SHISAL1: variants seen among roughly 807,000 people sequenced by gnomAD.
The protein encoded by SHISAL1 is shisa like 1.
In SHISAL1, 9 loss-of-function variants were observed where a neutral mutation model predicts 22.6. The observed-to-expected ratio is 0.40, with a 90% confidence interval of 0.24 to 0.70. The LOEUF (loss-of-function observed/expected upper bound fraction) is 0.70. Among genes scored for constraint, SHISAL1 ranks in the 30% least tolerant of loss-of-function variants. The probability of loss-of-function intolerance (pLI) is 0.39; values close to 1 mark genes in which losing one functional copy is unlikely to be tolerated. For missense variants in SHISAL1, 246 were observed against 270.6 expected (o/e 0.91, Z 0.64); for synonymous variants, 119 against 115.4 (o/e 1.03, Z -0.20).
chr22:44,296,849 G>A lies in SHISAL1; in HGVS notation c.104C>T (p.Thr35Ile), dbSNP rs559549978. The A allele has an allele frequency of 3.7e-6, 6 of 1,613,062 alleles. No homozygotes were observed. The highest frequency in any genetic ancestry group is 1.1e-5 in the South Asian group (1 of 91,024). Reference protein sequence around the residue: ...SAHFRVCEPYTDHKGRYHFGF... With the variant: ...SAHFRVCEPYIDHKGRYHFGF... ...AAAGTGGTAGCGGCCTTTGTGGTCT[G>A]TGTATGGTTCACAGACCCGGAAATG... is the stretch of plus-strand genomic sequence containing the variant. Residue 35 changes from threonine to isoleucine, a missense_variant, in exon 3 of 5, where the codon ACA becomes ATA. Thr to Ile is a moderately conservative substitution (Grantham distance 89, BLOSUM62 -1). This residue lies in a region of SHISAL1 where 110 missense variants were observed against 153.1 expected (regional missense o/e 0.72). Coordinates refer to ENST00000381176, the MANE Select transcript of SHISAL1 (RefSeq NM_001099294.2).
intron 4 of SHISAL1, among the ~76,000 whole-genome samples, chr22:44,265,970 C>A (rs9789922): frequency 0.11 from 16,905 of 152,256 alleles, 1,260 homozygotes; most frequent in Admixed American, 0.2. Flanking sequence ...CCAGAGTGAG[C>A]TGGTGTCTGG....
At chr22:44,301,917 G>A (rs1017800297) in intron 1 of SHISAL1, among the ~76,000 whole-genome samples, 3 of 152,170 alleles carry the variant, frequency 2.0e-5, no homozygotes, top group Non-Finnish European at 4.4e-5. Context: ...TTGGGGGAGG[G>A]GGATGGGGAG....
chr22:44,300,867 C>T lies in SHISAL1; in HGVS notation c.67+12G>A, dbSNP rs760273903. 19 of 1,613,142 alleles carry T rather than the reference C, an allele frequency of 1.2e-5. No homozygotes were observed. The highest frequency in any genetic ancestry group is 2.2e-5 in the South Asian group (2 of 91,058). ...GTGCCGCCCCCGCCCCCAGCATCCA[C>T]GGAGGTTTTACCTGCAGAAAACAGC... On this transcript the variant is annotated intron_variant, in intron 2 of 4. Coordinates refer to ENST00000381176, the MANE Select transcript of SHISAL1 (RefSeq NM_001099294.2).
chr22:44,277,214 G>A (rs753486506), intron 4 of SHISAL1, among the ~76,000 whole-genome samples: 10 of 152,204 alleles, frequency 6.6e-5, no homozygotes, highest in Non-Finnish European at 8.8e-5. Context: ...CGCGATGCCG[G>A]GAGAGGGATC....
At chr22:44,328,397 G>A in the SHISAL1 span, among the ~76,000 whole-genome samples, 1 of 152,184 alleles carries the variant, frequency 6.6e-6, no homozygotes, top group Non-Finnish European at 1.5e-5. Flanking sequence ...TGGGTTCCGA[G>A]TGTGCTCAGC....
chr22:44,317,653 C>T (rs890545334), upstream of SHISAL1, among the ~76,000 whole-genome samples: 4 of 152,172 alleles, frequency 2.6e-5, no homozygotes, highest in Admixed American at 6.5e-5. Flanking sequence ...CCATGGGGGC[C>T]GAACCCCCAG....
the SHISAL1 span, among the ~76,000 whole-genome samples, chr22:44,328,563 C>T: frequency 6.6e-6 from 1 of 152,196 alleles, no homozygotes; most frequent in African/African-American, 2.4e-5. Flanking sequence ...CCACCGCCCC[C>T]CAACCCGCCC....
the SHISAL1 span, among the ~76,000 whole-genome samples, chr22:44,326,130 C>G: frequency 1.3e-5 from 2 of 152,058 alleles, no homozygotes; most frequent in African/African-American, 2.4e-5. Context: ...CAGCTGCACA[C>G]GTACAATTCT....
At chr22:44,318,936 G>A in the SHISAL1 span, among the ~76,000 whole-genome samples, 1 of 152,212 alleles carries the variant, frequency 6.6e-6, no homozygotes, top group Non-Finnish European at 1.5e-5. Flanking sequence ...CTCCCTCCAG[G>A]ATGCGGCGCT....
upstream of SHISAL1, among the ~76,000 whole-genome samples, chr22:44,314,177 T>C (rs1030353198): frequency 7.0e-5 from 6 of 85,760 alleles, no homozygotes; most frequent in African/African-American, 9.1e-5. Flanking sequence ...TGTGGACACC[T>C]GAAGGATGAG....
rs186749273 is a variant in SHISAL1 at position 44,276,301 on chromosome 22, G to A, written c.599+9127C>T. On this transcript the variant is annotated intron_variant, in intron 4 of 4. Coordinates refer to ENST00000381176, the MANE Select transcript of SHISAL1 (RefSeq NM_001099294.2). ...TGGAGGGAACAGCAGCGGGGCTGGTGTGGCTGCAGCAAGCGGCAGTGTGGG... is the reference window on the plus strand; with the variant it reads ...TGGAGGGAACAGCAGCGGGGCTGGTATGGCTGCAGCAAGCGGCAGTGTGGG... Among the ~76,000 whole-genome samples the A allele has an allele frequency of 1.6e-4, 25 of 152,326 alleles. No individual in the cohort carries two copies. In the East Asian group the frequency reaches 4.1e-3, roughly 25 times the overall value.
At chr22:44,287,885 C>T (rs1175198775) in intron 3 of SHISAL1, among the ~76,000 whole-genome samples, 2 of 152,148 alleles carry the variant, frequency 1.3e-5, no homozygotes, top group Non-Finnish European at 2.9e-5. Context: ...CTCTAAGTGC[C>T]AGGTTTTTCT....
intron 4 of SHISAL1, among the ~76,000 whole-genome samples, chr22:44,270,751 G>A (rs1196862531): frequency 6.6e-6 from 1 of 152,158 alleles, no homozygotes; most frequent in East Asian, 1.9e-4. Context: ...CCCTGCAGCT[G>A]TGCTTCCCTG....
chr22:44,249,753 T>C lies in SHISAL1; in HGVS notation c.*-68A>G, dbSNP rs368665686. 7.7e-6 allele frequency: 6 copies of C among 774,902 alleles called. No individual in the cohort carries two copies. In the African/African-American group the frequency reaches 1.0e-4, roughly 13 times the overall value. 48.0% of individuals were successfully genotyped at this position (774,902 alleles called of 1,614,324 possible). A position where few individuals can be genotyped will look rare whatever the true frequency, so the allele number is the denominator to read the frequency against. Reference sequence around the variant, plus strand: ...TCCATGGGGACATTTCTCTCTGGCCTCAGTGCCGGAAGAAGCCAGGTTTTC... The same window carrying C: ...TCCATGGGGACATTTCTCTCTGGCCCCAGTGCCGGAAGAAGCCAGGTTTTC... On this transcript the variant is annotated intron_variant, in intron 4 of 4. Coordinates refer to ENST00000381176, the MANE Select transcript of SHISAL1 (RefSeq NM_001099294.2).
At chr22:44,330,810 C>A in the SHISAL1 span, among the ~76,000 whole-genome samples, 3 of 152,204 alleles carry the variant, frequency 2.0e-5, no homozygotes, top group African/African-American at 7.2e-5. Context: ...CCGGGCCGGG[C>A]CACCCCAGCC....
At chr22:44,303,479 G>A (rs139716787) in intron 1 of SHISAL1, among the ~76,000 whole-genome samples, 2 of 152,224 alleles carry the variant, frequency 1.3e-5, no homozygotes, top group Non-Finnish European at 2.9e-5. Context: ...GAAGATGGAG[G>A]CAGAGGTTGG....
At chr22:44,299,482 C>G (rs796363833) in intron 2 of SHISAL1, among the ~76,000 whole-genome samples, 8 of 152,324 alleles carry the variant, frequency 5.3e-5, no homozygotes, top group African/African-American at 1.9e-4. Context: ...TGAGCCAAAG[C>G]ATGGGAAGCA....
rs144212723 is a variant in SHISAL1 at position 44,301,377 on chromosome 22, T to G, written c.-32-400A>C. Among the ~76,000 whole-genome samples, 888 of 152,192 alleles carry G rather than the reference T, an allele frequency of 5.8e-3. 6 individuals are homozygous for G. The highest frequency in any genetic ancestry group is 7.6e-3 in the Non-Finnish European group (514 of 67,984). On this transcript the variant is annotated intron_variant, in intron 1 of 4. Coordinates refer to ENST00000381176, the MANE Select transcript of SHISAL1 (RefSeq NM_001099294.2). ...TGTGTCGCTAAGGTGGAGGGTTTCATGGTGACTTCCATGAACCCCTCCACA... is the reference window on the plus strand; with the variant it reads ...TGTGTCGCTAAGGTGGAGGGTTTCAGGGTGACTTCCATGAACCCCTCCACA...
At chr22:44,276,152 G>A (rs1489959881) in intron 4 of SHISAL1, among the ~76,000 whole-genome samples, 1 of 152,202 alleles carries the variant, frequency 6.6e-6, no homozygotes, top group African/African-American at 2.4e-5. Flanking sequence ...GTGACGGGGG[G>A]AGGTGGCTGC....
Sources: allele counts gnomAD v4.1 joint callset (sites outside exome capture counted in the v4.1 genomes callset), GRCh38; gene constraint gnomAD v4.1.1; regional missense constraint gnomAD v4.1.1; transcripts MANE v1.5; gene names NCBI Gene and HGNC (gene_info 2026-07-23, HGNC 2026-07-21).